Variants in RHOU observed in about 807,000 individuals in gnomAD.
RHOU encodes rho-related GTP-binding protein RhoU.
RHOU carries 8 observed loss-of-function variants against 12.6 expected under a neutral mutation model. The observed-to-expected ratio is 0.64, with a 90% CI of 0.37 to 1.15. The LOEUF is 1.15. Among genes scored for constraint, RHOU ranks in the 50% most tolerant of loss-of-function variants. The probability of loss-of-function intolerance (pLI) is 0.01; values close to 1 mark genes in which losing one functional copy is unlikely to be tolerated. For missense variants in RHOU, 258 were observed against 347.0 expected (o/e 0.74, Z 2.04); for synonymous variants, 161 against 147.4 (o/e 1.09, Z -0.67).
chr1:228,661,932 T>C, the RHOU span, among the ~76,000 whole-genome samples: 3 of 152,224 alleles, frequency 2.0e-5, no homozygotes, highest in Non-Finnish European at 2.9e-5. Context: ...TCTACCCATC[T>C]GACAAAGGAC....
the RHOU span, among the ~76,000 whole-genome samples, chr1:228,725,817 C>T: frequency 6.6e-5 from 10 of 152,108 alleles, no homozygotes; most frequent in Non-Finnish European, 1.3e-4. Flanking sequence ...GATTGTTTAA[C>T]GAGTCTTGGA....
chr1:228,687,758 G>C, the RHOU span: 35 of 1,399,586 alleles, frequency 2.5e-5, no homozygotes, highest in Admixed American at 1.7e-4. Context: ...AGATGGGAGC[G>C]CCCGAATCTG....
chr1:228,650,100 G>T, the RHOU span: 1 of 425,764 alleles, frequency 2.3e-6, no homozygotes, highest in Non-Finnish European at 4.6e-6. Context: ...AACTCTAACA[G>T]GTACTCTTGA....
chr1:228,689,731 G>A, the RHOU span, among the ~76,000 whole-genome samples: 1 of 151,778 alleles, frequency 6.6e-6, no homozygotes, highest in Non-Finnish European at 1.5e-5. Flanking sequence ...GGGATCTAGG[G>A]TGCTGGCTCT....
the RHOU span, among the ~76,000 whole-genome samples, chr1:228,693,319 G>A: frequency 6.6e-6 from 1 of 152,172 alleles, no homozygotes; most frequent in African/African-American, 2.4e-5. Flanking sequence ...TAGGTTTCCA[G>A]GCTGATAAAG....
chr1:228,678,324 C>A, the RHOU span, among the ~76,000 whole-genome samples: 2 of 152,108 alleles, frequency 1.3e-5, no homozygotes, highest in Admixed American at 1.3e-4. Context: ...AACCATTTGC[C>A]TTGTGTGGGA....
the RHOU span, among the ~76,000 whole-genome samples, chr1:228,673,883 C>T: frequency 2.0e-5 from 3 of 152,312 alleles, no homozygotes; most frequent in African/African-American, 7.2e-5. Context: ...CATGTGAATA[C>T]ATTTCTATTG....
At chr1:228,679,013 A>C in the RHOU span, among the ~76,000 whole-genome samples, 3 of 149,798 alleles carry the variant, frequency 2.0e-5, no homozygotes, top group Non-Finnish European at 4.4e-5. Flanking sequence ...TGTGTAATGA[A>C]AAAGGTTGGG....
chr1:228,725,169 G>T, the RHOU span, among the ~76,000 whole-genome samples: 1 of 152,140 alleles, frequency 6.6e-6, no homozygotes, highest in Admixed American at 6.5e-5. Flanking sequence ...ATTTGAAGTT[G>T]TCTTCTTGGA....
upstream of RHOU, among the ~76,000 whole-genome samples, chr1:228,732,093 ATTC>A (rs1263462499): frequency 6.6e-6 from 1 of 152,204 alleles, no homozygotes; most frequent in Non-Finnish European, 1.5e-5. Context: ...CATGTTTTAC[ATTC>A]TTCTCCTTTT....
At chr1:228,663,956 TCTCCC>T in the RHOU span, among the ~76,000 whole-genome samples, 1 of 134,540 alleles carries the variant, frequency 7.4e-6, no homozygotes. Context: ...TTCTTTTTCT[TCTCCC>T]CTCCCCTCCC....
the RHOU span, among the ~76,000 whole-genome samples, chr1:228,653,895 A>G: frequency 6.6e-6 from 1 of 152,232 alleles, no homozygotes; most frequent in Non-Finnish European, 1.5e-5. Context: ...CTTTGGTAGA[A>G]ATTGGGAAGA....
the RHOU span, among the ~76,000 whole-genome samples, chr1:228,709,210 G>A: frequency 6.6e-6 from 1 of 151,370 alleles, no homozygotes; most frequent in African/African-American, 2.4e-5. Flanking sequence ...ATTAATAATG[G>A]GAGACTTTAA....
the RHOU span, among the ~76,000 whole-genome samples, chr1:228,664,975 T>C: frequency 2.6e-5 from 4 of 152,152 alleles, no homozygotes; most frequent in African/African-American, 9.7e-5. Context: ...TAACTAACAT[T>C]TGTGGTGCCA....
Position 228,743,244 on chromosome 1 carries a change from T to G in RHOU, c.322-41T>G. ...AAGGTGATCTTTTTACTGATGAGAA[T>G]TCATGAAAACATAACTTTTGGGTAC... On this transcript the variant is annotated intron_variant, in intron 2 of 2. Transcript: ENST00000366691. The surrounding 1 kb of genome is among the most constrained non-coding windows in gnomAD (Gnocchi z 5.1). 6.4e-7 allele frequency: 1 copy of G among 1,557,438 alleles called. No homozygotes were observed. The highest frequency in any genetic ancestry group is 8.8e-7 in the Non-Finnish European group (1 of 1,130,750).
At chr1:228,713,616 A>G in the RHOU span, among the ~76,000 whole-genome samples, 2 of 152,110 alleles carry the variant, frequency 1.3e-5, no homozygotes, top group Non-Finnish European at 2.9e-5. Flanking sequence ...TACAGGTGTG[A>G]GCCACCACGC....
the RHOU span, among the ~76,000 whole-genome samples, chr1:228,680,685 T>A: frequency 6.6e-6 from 1 of 152,178 alleles, no homozygotes; most frequent in African/African-American, 2.4e-5. Context: ...ATATTAAGAA[T>A]AAGGTGACCT....
chr1:228,709,129 C>T, the RHOU span, among the ~76,000 whole-genome samples: 1 of 152,050 alleles, frequency 6.6e-6, no homozygotes, highest in Non-Finnish European at 1.5e-5. Flanking sequence ...TATATATGCA[C>T]CCAATACAGG....
chr1:228,712,557 A>G, the RHOU span, among the ~76,000 whole-genome samples: 1 of 151,164 alleles, frequency 6.6e-6, no homozygotes, highest in Non-Finnish European at 1.5e-5. Context: ...AACTATCGCA[A>G]GAACAAAAAA....
Sources: gnomAD v4.1 joint callset for allele counts (sites outside exome capture counted in the v4.1 genomes callset) on GRCh38, gnomAD v4.1.1 for gene constraint, Gnocchi (gnomAD v3.1) non-coding constraint, MANE v1.5 for transcripts, NCBI Gene and HGNC (gene_info 2026-07-23, HGNC 2026-07-21) for gene names.